The following EML2 variants were observed in gnomAD, a reference collection of about 807,000 sequenced individuals.
The protein encoded by EML2 is echinoderm microtubule-associated protein-like 2.
Under a neutral mutation model 84.7 loss-of-function variants are expected in EML2, and 59 were observed. The observed-to-expected ratio is 0.70, with a 90% confidence interval of 0.56 to 0.86. EML2 has a LOEUF of 0.86. Ranked by LOEUF, EML2 falls within the 40% of genes least tolerant of loss-of-function variation. The pLI, the probability that EML2 is intolerant of heterozygous loss-of-function variation, is 0.00. For synonymous variants in EML2, 352 were observed against 348.9 expected (o/e 1.01, Z -0.10); for missense variants, 818 against 855.6 (o/e 0.96, Z 0.55).
At chr19:45,637,842 A>AT (rs1973951743) in intron 3 of EML2, among the ~76,000 whole-genome samples, 1 of 151,398 alleles carries the variant, frequency 6.6e-6, no homozygotes, top group South Asian at 2.1e-4. Flanking sequence ...ACACTCGGCT[A>AT]ATTTTTGTAT....
intron 7 of EML2, 116 bp from the exon 8 acceptor site, chr19:45,626,955 C>CTTTT: frequency 1.3e-6 from 1 of 769,950 alleles, no homozygotes; most frequent in South Asian, 3.3e-5. Context: ...CACACCTGAA[C>CTTTT]TTTTCTTTTT....
chr19:45,642,382 G>A, upstream of EML2: 3 of 1,523,834 alleles, frequency 2.0e-6, no homozygotes, highest in South Asian at 1.2e-5. Flanking sequence ...CGGCTGCAGG[G>A]CCACCCAGGA....
intron 1 of EML2, chr19:45,639,110 G>A: frequency 1.5e-6 from 1 of 685,824 alleles, no homozygotes; most frequent in Admixed American, 2.6e-5. Flanking sequence ...GAAGTGGCAG[G>A]GACGCGATCC....
In EML2 at chr19:45,616,861, G is replaced by A. The variant is rs764514349; in HGVS notation, c.1323-8C>T. On this transcript the variant is annotated splice_polypyrimidine_tract_variant and splice_region_variant and intron_variant, in intron 13 of 18. Transcript: ENST00000245925. ...GTGTCCAGCAGCAGCCATCTTGAAG[G>A]AGAGGGCGTGGTGGGGGGAGGAGGG... is the stretch of plus-strand genomic sequence containing the variant. 1 of 1,609,032 alleles carries A rather than the reference G, an allele frequency of 6.2e-7. No homozygotes were observed. The highest frequency in any genetic ancestry group is 1.3e-5 in the African/African-American group (1 of 74,814).
chr19:45,638,648 C>G lies in EML2; in HGVS notation c.50-14G>C. The G allele has an allele frequency of 6.2e-7, 1 of 1,612,936 alleles. No homozygotes were observed. The highest frequency in any genetic ancestry group is 8.5e-7 in the Non-Finnish European group (1 of 1,179,386). ...CGGAGCCATCCTCTGCCAGGACACC[C>G]CCAGAGGTCAGGCACTGACACCAGC... is the stretch of plus-strand genomic sequence containing the variant. On this transcript the variant is annotated splice_polypyrimidine_tract_variant and intron_variant, in intron 2 of 18. Transcript: ENST00000245925.
intron 4 of EML2, 128 bp downstream of exon 4, chr19:45,634,194 G>C (rs1409188201): frequency 1.5e-5 from 18 of 1,215,202 alleles, no homozygotes; most frequent in Middle Eastern, 2.0e-4. Context: ...GCTTTGGAGA[G>C]GGAGCAAAGG....
intron 18 of EML2, among the ~76,000 whole-genome samples, chr19:45,611,964 C>T (rs1322493608): frequency 7.2e-5 from 11 of 151,768 alleles, no homozygotes; most frequent in Admixed American, 1.3e-4. Context: ...CTCTGCCTCC[C>T]GGGTTCAGGC....
chr19:45,627,762 A>G lies in EML2; in HGVS notation c.607-923T>C, dbSNP rs556976063. On this transcript the variant is annotated intron_variant, in intron 7 of 18. Coordinates refer to ENST00000245925, the MANE Select transcript of EML2 (RefSeq NM_012155.4). Reference sequence around the variant, plus strand: ...GACCATTATGCCCACCTCATTGCAAATTAAAAAGTGAGGCTCAGGCTGGGC... The same window carrying G: ...GACCATTATGCCCACCTCATTGCAAGTTAAAAAGTGAGGCTCAGGCTGGGC... Among the ~76,000 whole-genome samples the G allele has an allele frequency of 1.3e-4, 20 of 152,220 alleles. No homozygotes were observed. In the South Asian group the frequency reaches 4.1e-3, roughly 32 times the overall value.
intron 3 of EML2, among the ~76,000 whole-genome samples, chr19:45,634,808 G>A (rs969419697): frequency 6.6e-6 from 1 of 151,538 alleles, no homozygotes; most frequent in Non-Finnish European, 1.5e-5. Flanking sequence ...TGATCCACCC[G>A]CCTCGCCCTC....
At chr19:45,627,063 G>A (rs1012187053) in intron 7 of EML2, among the ~76,000 whole-genome samples, 6 of 150,978 alleles carry the variant, frequency 4.0e-5, no homozygotes, top group African/African-American at 1.2e-4. Context: ...GGGTTCAAGC[G>A]ATTCTCTTGC....
intron 6 of EML2, among the ~76,000 whole-genome samples, chr19:45,631,504 C>A (rs796223563): frequency 6.6e-6 from 1 of 152,046 alleles, no homozygotes; most frequent in Non-Finnish European, 1.5e-5. Context: ...CTGCTACCTC[C>A]GCCTCCCAGG....
At chr19:45,628,238 C>T (rs186220860) in intron 7 of EML2, among the ~76,000 whole-genome samples, 10 of 151,518 alleles carry the variant, frequency 6.6e-5, no homozygotes, top group South Asian at 2.1e-4. Context: ...CGTGGTGGTG[C>T]GCACCTGTAA....
rs1417927338 is a variant in EML2 at position 45,621,551 on chromosome 19, ACACCAGCGTCCCGTCCCGCAGGG to A, written c.905_927del (p.Ala302ValfsTer6). Reference sequence around the variant, plus strand: ...ACCCGCCGATCACGGCCCCCTCCAGACACCAGCGTCCCGTCCCGCAGGGCGCAGAGCCCAAACACGCCGCCGTC... The same window carrying A: ...ACCCGCCGATCACGGCCCCCTCCAGACGCAGAGCCCAAACACGCCGCCGTC... On this transcript the variant is annotated frameshift_variant, in exon 10 of 19. Transcript: ENST00000245925. LOFTEE classifies it high-confidence loss of function. 1 of 1,612,760 alleles carries A rather than the reference ACACCAGCGTCCCGTCCCGCAGGG, an allele frequency of 6.2e-7. No individual in the cohort carries two copies. Among genetic ancestry groups the A allele is most frequent in the Non-Finnish European group, 8.5e-7 (1 of 1,179,942 alleles).
chr19:45,616,731 C>T (rs765986651), intron 14 of EML2, 34 bp downstream of exon 14: 1 of 1,593,524 alleles, frequency 6.3e-7, no homozygotes, highest in South Asian at 1.1e-5. Context: ...GTCCCCTGGC[C>T]CTGCCGCTTG....
At chr19:45,631,472 G>C (rs1434992516) in intron 6 of EML2, among the ~76,000 whole-genome samples, 1 of 152,032 alleles carries the variant, frequency 6.6e-6, no homozygotes, top group Non-Finnish European at 1.5e-5. Context: ...AGTGTGGAGT[G>C]CAGTGGTGGG....
chr19:45,610,023 C>T (rs532755028), intron 18 of EML2, among the ~76,000 whole-genome samples: 109 of 152,224 alleles, frequency 7.2e-4, no homozygotes, highest in Non-Finnish European at 1.1e-3. Flanking sequence ...CAGATATGCG[C>T]CCCCACACCT....
intron 13 of EML2, among the ~76,000 whole-genome samples, chr19:45,617,399 TA>T (rs913462415): frequency 7.2e-6 from 1 of 138,866 alleles, no homozygotes; most frequent in South Asian, 2.3e-4. Context: ...CTACTAAAAA[TA>T]AAAAAAAATT....
chr19:45,610,831 C>T (rs1346355819), intron 18 of EML2, among the ~76,000 whole-genome samples: 3 of 151,980 alleles, frequency 2.0e-5, no homozygotes, highest in Non-Finnish European at 4.4e-5. Context: ...TAGAGGGAGA[C>T]TCTGTCAAAA....
chr19:45,621,576 G>GCAGAGCC lies in EML2; in HGVS notation c.896_902dup (p.Cys301TrpfsTer17). 6.2e-7 allele frequency: 1 copy of GCAGAGCC among 1,612,276 alleles called. No homozygotes were observed. Among genetic ancestry groups the GCAGAGCC allele is most frequent in the Non-Finnish European group, 8.5e-7 (1 of 1,179,930 alleles). ...ACACCAGCGTCCCGTCCCGCAGGGC[G>GCAGAGCC]CAGAGCCCAAACACGCCGCCGTCGT... On this transcript the variant is annotated frameshift_variant, in exon 10 of 19. Coordinates refer to ENST00000245925, the MANE Select transcript of EML2 (RefSeq NM_012155.4). LOFTEE classifies it high-confidence loss of function.
Sources: gnomAD v4.1 joint callset for allele counts (sites outside exome capture counted in the v4.1 genomes callset) on GRCh38, gnomAD v4.1.1 for gene constraint, MANE v1.5 for transcripts, NCBI Gene and HGNC (gene_info 2026-07-23, HGNC 2026-07-21) for gene names.